ESCO1: variants seen among roughly 807,000 people sequenced by gnomAD.
ESCO1 encodes establishment of sister chromatid cohesion N-acetyltransferase 1.
Under a neutral mutation model 83.5 loss-of-function variants are expected in ESCO1, and 33 were observed. That is an observed-to-expected ratio of 0.40 (90% CI 0.30 to 0.53). The LOEUF is 0.53. Among genes scored for constraint, ESCO1 ranks in the 20% least tolerant of loss-of-function variants. The probability of loss-of-function intolerance (pLI) is 0.63; values close to 1 mark genes in which losing one functional copy is unlikely to be tolerated. For synonymous variants in ESCO1, 332 were observed against 324.3 expected, an observed-to-expected ratio of 1.02 and a Z score of -0.25; for missense variants, 855 against 968.0, an observed-to-expected ratio of 0.88 and a Z score of 1.55.
intron 6 of ESCO1, among the ~76,000 whole-genome samples, chr18:21,565,024 C>T (rs1401112340): frequency 1.3e-5 from 2 of 151,948 alleles, no homozygotes; most frequent in Admixed American, 1.3e-4. Flanking sequence ...TGCGGTGAGC[C>T]GAAATCACGC....
chr18:21,574,823 T>C lies in ESCO1; in HGVS notation c.21A>G (p.Lys7=). 6.3e-7 allele frequency: 1 copy of C among 1,591,692 alleles called. No individual in the cohort carries two copies. The highest frequency in any genetic ancestry group is 8.5e-7 in the Non-Finnish European group (1 of 1,177,572). MMSIQE[K]SKENSSKVTK... is the part of the protein sequence containing the mutation. ...TAACTTTGGAGGAATTCTCTTTTGATTTCTCCTGAATGGACATCATTCCTG... is the reference window on the plus strand; with the variant it reads ...TAACTTTGGAGGAATTCTCTTTTGACTTCTCCTGAATGGACATCATTCCTG... Residue 7 remains lysine (K), a synonymous_variant, in exon 4 of 12, where the codon AAA becomes AAG. Transcript: ENST00000269214.
At chr18:21,594,206 T>C (rs962448094) in intron 1 of ESCO1, among the ~76,000 whole-genome samples, 9 of 152,212 alleles carry the variant, frequency 5.9e-5, no homozygotes, top group Admixed American at 3.3e-4. Context: ...AAATTAGGAA[T>C]TACAGGATAC....
intron 1 of ESCO1, among the ~76,000 whole-genome samples, chr18:21,597,531 A>G (rs1421418522): frequency 1.3e-5 from 2 of 151,844 alleles, no homozygotes; most frequent in East Asian, 1.9e-4. Flanking sequence ...TTAAAATGTT[A>G]TTTATATTAA....
intron 4 of ESCO1, among the ~76,000 whole-genome samples, chr18:21,571,589 T>C (rs1194034220): frequency 6.6e-6 from 1 of 152,250 alleles, no homozygotes; most frequent in Admixed American, 6.5e-5. Flanking sequence ...TAATGTGGTC[T>C]ACATAAACAT....
At chr18:21,586,919 T>C (rs1042482486) in intron 1 of ESCO1, among the ~76,000 whole-genome samples, 7 of 152,226 alleles carry the variant, frequency 4.6e-5, no homozygotes, top group African/African-American at 1.7e-4. Context: ...TGCCCTTCTA[T>C]TTCTAGTTTG....
intron 6 of ESCO1, among the ~76,000 whole-genome samples, chr18:21,565,720 T>A (rs1203590802): frequency 6.6e-6 from 1 of 152,158 alleles, no homozygotes; most frequent in African/African-American, 2.4e-5. Context: ...GAGAATCACT[T>A]GAGGCCAGGA....
intron 1 of ESCO1, among the ~76,000 whole-genome samples, chr18:21,600,388 G>C (rs2038827117): frequency 6.6e-6 from 1 of 152,260 alleles, no homozygotes; most frequent in African/African-American, 2.4e-5. Flanking sequence ...GGTGGTGCGC[G>C]GACACGCGAG....
intron 1 of ESCO1, among the ~76,000 whole-genome samples, chr18:21,587,186 A>T (rs1452232124): frequency 6.6e-6 from 1 of 152,216 alleles, no homozygotes; most frequent in Non-Finnish European, 1.5e-5. Flanking sequence ...AGAAATATTA[A>T]TCTGTAGTTT....
At chr18:21,567,919 T>C (rs973788767) in intron 5 of ESCO1, 61 bp downstream of exon 5, 6 of 1,290,102 alleles carry the variant, frequency 4.7e-6, no homozygotes, top group Non-Finnish European at 5.5e-6. Context: ...ACATTTTCTG[T>C]AATACTGACA....
intron 5 of ESCO1, among the ~76,000 whole-genome samples, chr18:21,567,262 TTC>T (rs1258254665): frequency 2.6e-5 from 4 of 152,158 alleles, no homozygotes; most frequent in African/African-American, 9.7e-5. Flanking sequence ...GTTCAAGCAA[TTC>T]TCCTGACTCT....
chr18:21,571,626 A>G (rs2038342908), intron 4 of ESCO1, among the ~76,000 whole-genome samples: 1 of 152,248 alleles, frequency 6.6e-6, no homozygotes, highest in African/African-American at 2.4e-5. Flanking sequence ...TTTAGTACAA[A>G]GGAATGAATT....
chr18:21,574,361 G>A lies in ESCO1; in HGVS notation c.483C>T (p.Ser161=). The stretch of plus-strand genomic sequence containing the variant: ...TTTTATTAGATTTACTCTGAGTACT[G>A]CTACACTGCTCTTTTTTAGTTGGTG... ...SLPPTKKEQC[S]STQSKSNKTS... Residue 161 remains serine, a synonymous_variant, in exon 4 of 12, where the codon AGC becomes AGT. Transcript: ENST00000269214. 6.2e-7 allele frequency: 1 copy of A among 1,613,926 alleles called. No homozygotes were observed. Among genetic ancestry groups the A allele is most frequent in the Non-Finnish European group, 8.5e-7 (1 of 1,180,016 alleles).
At chr18:21,597,401 T>A (rs1257073095) in intron 1 of ESCO1, among the ~76,000 whole-genome samples, 1 of 151,936 alleles carries the variant, frequency 6.6e-6, no homozygotes, top group African/African-American at 2.4e-5. Context: ...TATGCACACC[T>A]GTAGTCCCAC....
In ESCO1 at chr18:21,574,343, A is replaced by G. The variant is rs762599940; in HGVS notation, c.501T>C (p.Ser167=). The part of the protein sequence containing the change: ...KEQCSSTQSK[S]NKTSQKHVKR... ...TCACATGTTTTTGACTTGTTTTATT[A>G]GATTTACTCTGAGTACTGCTACACT... The change falls in exon 4 of 12, where the codon TCT becomes TCC. Residue 167 remains serine, a synonymous_variant. Coordinates refer to ENST00000269214, the MANE Select transcript of ESCO1 (RefSeq NM_052911.3). 1.2e-6 allele frequency: 2 copies of G among 1,613,710 alleles called. No homozygotes were observed. Among genetic ancestry groups the G allele is most frequent in the Admixed American group, 1.7e-5 (1 of 59,926 alleles).
chr18:21,540,684 T>A, intron 8 of ESCO1: 1 of 1,301,232 alleles, frequency 7.7e-7, no homozygotes, highest in Non-Finnish European at 1.0e-6. Flanking sequence ...ACACTCGTGG[T>A]GATTAATGAG....
intron 1 of ESCO1, among the ~76,000 whole-genome samples, chr18:21,586,391 T>G (rs1207964563): frequency 6.6e-6 from 1 of 152,252 alleles, no homozygotes; most frequent in Non-Finnish European, 1.5e-5. Flanking sequence ...TTCCATTCCA[T>G]ACCACATTTT....
chr18:21,563,925 A>C (rs1027968043), intron 7 of ESCO1, among the ~76,000 whole-genome samples: 7 of 151,552 alleles, frequency 4.6e-5, no homozygotes, highest in Non-Finnish European at 7.4e-5. Flanking sequence ...GGGTTAAAAA[A>C]AAAAAAAAAG....
chr18:21,563,919 T>TAA (rs11453582), intron 7 of ESCO1, among the ~76,000 whole-genome samples: 220 of 142,390 alleles, frequency 1.5e-3, no homozygotes, highest in Middle Eastern at 7.3e-3. Context: ...TGAGCAGGGT[T>TAA]AAAAAAAAAA....
chr18:21,554,067 G>C lies in ESCO1; in HGVS notation c.1953+6792C>G, dbSNP rs79239908. 1.5e-3 allele frequency among the ~76,000 whole-genome samples: 226 copies of C among 152,084 alleles called. 3 individuals carry two copies. In the East Asian group the frequency reaches 0.031, roughly 21 times the overall value. On this transcript the variant is annotated intron_variant, in intron 8 of 11. Transcript: ENST00000269214. ...GATATTCCATATCATGTATTAATAG[G>C]GAAATGCAAATTAAAACAGTAACAT...
Sources: gnomAD v4.1 joint callset for allele counts (sites outside exome capture counted in the v4.1 genomes callset) on GRCh38, gnomAD v4.1.1 for gene constraint, MANE v1.5 for transcripts, NCBI Gene and HGNC (gene_info 2026-07-23, HGNC 2026-07-21) for gene names.